The following NALF1 variants were observed in gnomAD, a reference collection of about 807,000 sequenced individuals.
The protein encoded by NALF1 is family with sequence similarity 155 member A.
Under a neutral mutation model 48.4 loss-of-function variants are expected in NALF1, and 3 were observed. The ratio of observed to expected loss-of-function variants is 0.06; its 90% CI spans 0.03 to 0.16. The LOEUF is 0.16. Ranked by LOEUF, NALF1 falls within the 10% of genes least tolerant of loss-of-function variation. The probability of loss-of-function intolerance (pLI) is 1.00; values close to 1 mark genes in which losing one functional copy is unlikely to be tolerated. For missense variants in NALF1, 526 were observed against 571.5 expected (o/e 0.92, Z 0.81); for synonymous variants, 262 against 245.7 (o/e 1.07, Z -0.62).
intron 1 of NALF1, among the ~76,000 whole-genome samples, chr13:107,284,569 G>A (rs1881454101): frequency 1.3e-5 from 1 of 75,210 alleles, no homozygotes. Context: ...ACTGAACTGT[G>A]TCCCGCCCTC....
At chr13:107,690,150 T>C (rs886217054) in intron 1 of NALF1, among the ~76,000 whole-genome samples, 20 of 152,354 alleles carry the variant, frequency 1.3e-4, no homozygotes, top group Middle Eastern at 3.4e-3. Flanking sequence ...ATTAGAGAAC[T>C]GTTTGAGAGT....
In NALF1 at chr13:107,866,238, T is replaced by G; in HGVS notation, c.359A>C (p.His120Pro). ...MGESSPAAQAHRLLSASSSPT... is the reference protein window; with the variant it reads ...MGESSPAAQAPRLLSASSSPT... ...GGACGAGGAGGCGGAGAGGAGTCTG[T>G]GTGCCTGGGCGGCGGGCGAGGACTC... The change falls in exon 1 of 3, where the codon CAC (histidine) becomes CCC (proline). Residue 120 changes from histidine to proline, a missense_variant. Coordinates refer to ENST00000375915, the MANE Select transcript of NALF1 (RefSeq NM_001080396.3). The surrounding 1 kb of genome is among the most constrained non-coding windows in gnomAD (Gnocchi z 4.4). 6.3e-7 allele frequency: 1 copy of G among 1,594,532 alleles called. No homozygotes were observed. The highest frequency in any genetic ancestry group is 8.5e-7 in the Non-Finnish European group (1 of 1,171,942).
intron 1 of NALF1, among the ~76,000 whole-genome samples, chr13:107,655,398 C>T (rs1366210373): frequency 6.6e-6 from 1 of 152,038 alleles, no homozygotes; most frequent in Non-Finnish European, 1.5e-5. Context: ...AATTCAACCC[C>T]TTTCCAAATA....
intron 1 of NALF1, among the ~76,000 whole-genome samples, chr13:107,715,074 T>C (rs1354581330): frequency 1.3e-4 from 20 of 152,322 alleles, no homozygotes; most frequent in Non-Finnish European, 5.9e-5. Flanking sequence ...GATACAGCCA[T>C]ATCATGTGTA....
At chr13:107,820,517 G>C (rs1879333759) in intron 1 of NALF1, among the ~76,000 whole-genome samples, 1 of 152,132 alleles carries the variant, frequency 6.6e-6, no homozygotes, top group South Asian at 2.1e-4. Context: ...ACCTTGTCAA[G>C]GTACTGACAT....
chr13:107,205,191 T>A (rs1425151861), intron 2 of NALF1, among the ~76,000 whole-genome samples: 1 of 151,560 alleles, frequency 6.6e-6, no homozygotes, highest in Non-Finnish European at 1.5e-5. Context: ...CAGAGTGTGA[T>A]GTTCCCCTTC....
chr13:107,751,682 T>C (rs2138553169), intron 1 of NALF1, among the ~76,000 whole-genome samples: 1 of 152,162 alleles, frequency 6.6e-6, no homozygotes, highest in East Asian at 1.9e-4. Flanking sequence ...AAATAATGGC[T>C]GTAAAATAAT....
At chr13:107,788,759 A>C (rs1878146034) in intron 1 of NALF1, 1 of 152,016 alleles carries the variant, frequency 6.6e-6, no homozygotes, top group Admixed American at 6.6e-5. Context: ...CCAATCAATG[A>C]ACGCAGTTTG....
At chr13:107,861,509 G>A (rs1880566890) in intron 1 of NALF1, among the ~76,000 whole-genome samples, 1 of 152,150 alleles carries the variant, frequency 6.6e-6, no homozygotes, top group African/African-American at 2.4e-5. Flanking sequence ...TCTTGGCCAG[G>A]CGCTGTGGCT....
chr13:107,493,878 G>A (rs75251626), intron 1 of NALF1, among the ~76,000 whole-genome samples: 1 of 151,724 alleles, frequency 6.6e-6, no homozygotes, highest in Non-Finnish European at 1.5e-5. Context: ...AGAAAGAGTG[G>A]GACTCCATCT....
chr13:107,812,236 T>A (rs561032013), intron 1 of NALF1, among the ~76,000 whole-genome samples: 1 of 152,286 alleles, frequency 6.6e-6, no homozygotes, highest in South Asian at 2.1e-4. Flanking sequence ...TATTACAGTT[T>A]CATTTTCATG....
intron 1 of NALF1, among the ~76,000 whole-genome samples, chr13:107,213,908 A>G (rs1261128832): frequency 6.6e-6 from 1 of 152,198 alleles, no homozygotes; most frequent in Non-Finnish European, 1.5e-5. Flanking sequence ...TGTCTGAGAA[A>G]CGGCCAGGTG....
At chr13:107,730,901 G>C (rs1429114376) in intron 1 of NALF1, among the ~76,000 whole-genome samples, 1 of 152,166 alleles carries the variant, frequency 6.6e-6, no homozygotes, top group Non-Finnish European at 1.5e-5. Flanking sequence ...AGACAACATA[G>C]CATATAAGCG....
intron 1 of NALF1, among the ~76,000 whole-genome samples, chr13:107,269,147 G>A (rs1368649200): frequency 3.3e-5 from 5 of 150,568 alleles, no homozygotes; most frequent in Non-Finnish European, 7.4e-5. Context: ...GGGAGACACA[G>A]TGAGACCCTG....
At chr13:107,643,435 G>T (rs892619035) in intron 1 of NALF1, among the ~76,000 whole-genome samples, 2 of 151,652 alleles carry the variant, frequency 1.3e-5, no homozygotes, top group Non-Finnish European at 2.9e-5. Context: ...TTATAATTAT[G>T]GTTTCAAAGA....
intron 1 of NALF1, among the ~76,000 whole-genome samples, chr13:107,494,168 A>G (rs753544542): frequency 2.9e-5 from 4 of 138,554 alleles, no homozygotes; most frequent in Non-Finnish European, 4.4e-5. Flanking sequence ...ATACAGGACC[A>G]ACACTTGTCT....
chr13:107,188,071 T>C (rs1251330648), intron 2 of NALF1, among the ~76,000 whole-genome samples: 1 of 152,174 alleles, frequency 6.6e-6, no homozygotes, highest in Non-Finnish European at 1.5e-5. Flanking sequence ...AACCAGAATC[T>C]GCCACATCCA....
intron 1 of NALF1, among the ~76,000 whole-genome samples, chr13:107,798,882 A>C (rs1386154684): frequency 6.6e-6 from 1 of 152,224 alleles, no homozygotes; most frequent in Non-Finnish European, 1.5e-5. Flanking sequence ...TTCAAAATAG[A>C]AATAACAGTA....
At chr13:107,544,268 C>T (rs1877075796) in intron 1 of NALF1, among the ~76,000 whole-genome samples, 3 of 151,964 alleles carry the variant, frequency 2.0e-5, no homozygotes, top group African/African-American at 4.8e-5. Flanking sequence ...TCTAGGATAC[C>T]GAAAGAAAAT....
Sources: allele counts gnomAD v4.1 joint callset (sites outside exome capture counted in the v4.1 genomes callset), GRCh38; gene constraint gnomAD v4.1.1; non-coding constraint Gnocchi (gnomAD v3.1); transcripts MANE v1.5; gene names NCBI Gene and HGNC (gene_info 2026-07-23, HGNC 2026-07-21).